GPC3: variants seen among roughly 807,000 people sequenced by gnomAD.
GPC3 encodes glypican 3.
A neutral mutation model predicts 34.4 loss-of-function variants in GPC3; 3 were observed. That is an observed-to-expected ratio of 0.09 (90% CI 0.04 to 0.23). The LOEUF (loss-of-function observed/expected upper bound fraction) is 0.23, where lower values mean the gene tolerates loss of function less well. Ranked by LOEUF, GPC3 falls within the 10% of genes least tolerant of loss-of-function variation. GPC3 has a pLI of 1.00. For synonymous variants in GPC3, 177 were observed against 174.0 expected (o/e 1.02, Z -0.13); for missense variants, 351 against 445.6 (o/e 0.79, Z 1.91).
At chrX:133,625,743 G>A (rs1253489340) in intron 6 of GPC3, among the ~76,000 whole-genome samples, 1 of 111,640 alleles carries the variant, frequency 9.0e-6, no homozygotes, top group Non-Finnish European at 1.9e-5. Context: ...TACTGCCCAA[G>A]GTAATTTATA....
At chrX:133,823,172 T>G (rs1404351448) in intron 2 of GPC3, among the ~76,000 whole-genome samples, 13 of 57,490 alleles carry the variant, frequency 2.3e-4, no homozygotes, top group African/African-American at 2.9e-4. Flanking sequence ...AAAAACTGGC[T>G]GGAAAAATGT....
intron 2 of GPC3, among the ~76,000 whole-genome samples, chrX:133,942,397 G>A (rs1056856101): frequency 1.8e-5 from 2 of 111,668 alleles, no homozygotes; most frequent in African/African-American, 6.5e-5. Flanking sequence ...AATAGAGAGG[G>A]TTGGATTAAT....
rs73239393 is a variant in GPC3 at position 133,548,582 on chromosome X, C to T, written c.1574-12289G>A. On this transcript the variant is annotated intron_variant, in intron 7 of 7. Transcript: ENST00000370818. ...TCAACAGCAGGCAGGTATCCTTATA[C>T]ATGAAAGATGAATAGCCTCCCTAAG... 6.5e-3 allele frequency among the ~76,000 whole-genome samples: 731 copies of T among 111,718 alleles called. 2 individuals carry two copies. Among genetic ancestry groups the T allele is most frequent in the Non-Finnish European group, 0.011 (561 of 53,111 alleles).
At chrX:133,624,793 C>T (rs758368847) in intron 6 of GPC3, among the ~76,000 whole-genome samples, 2 of 111,155 alleles carry the variant, frequency 1.8e-5, no homozygotes, top group Admixed American at 1.9e-4. Context: ...AAGAGGGAAT[C>T]CTCCCTAACT....
intron 2 of GPC3, among the ~76,000 whole-genome samples, chrX:133,810,702 G>A (rs1256775738): frequency 5.5e-5 from 6 of 108,942 alleles, no homozygotes; most frequent in African/African-American, 1.7e-4. Flanking sequence ...TCAGGAGATT[G>A]AGACCATCCT....
intron 1 of GPC3, among the ~76,000 whole-genome samples, chrX:133,962,940 T>C (rs1298781537): frequency 9.0e-6 from 1 of 111,602 alleles, no homozygotes; most frequent in African/African-American, 3.3e-5. Flanking sequence ...TGTGACTTTA[T>C]CAAGTGTGTT....
chrX:133,803,544 G>T (rs1337895584), intron 2 of GPC3, among the ~76,000 whole-genome samples: 1 of 111,813 alleles, frequency 8.9e-6, no homozygotes, highest in Non-Finnish European at 1.9e-5. Context: ...GAAAGGAATG[G>T]CACCCTGTTC....
At chrX:133,760,184 G>C (rs772544871) in intron 2 of GPC3, among the ~76,000 whole-genome samples, 1 of 112,153 alleles carries the variant, frequency 8.9e-6, no homozygotes, top group South Asian at 3.7e-4. Context: ...CATTGCTGGA[G>C]GGAATGTTAA....
intron 2 of GPC3, among the ~76,000 whole-genome samples, chrX:133,855,249 AC>A (rs2075894596): frequency 9.1e-6 from 1 of 110,455 alleles, no homozygotes; most frequent in African/African-American, 3.3e-5. Flanking sequence ...TGCAGCCTCA[AC>A]TTTCCAGGCT....
intron 1 of GPC3, among the ~76,000 whole-genome samples, chrX:133,965,867 T>A (rs2076460970): frequency 3.6e-5 from 4 of 110,316 alleles, no homozygotes; most frequent in Admixed American, 2.9e-4. Context: ...TTACTAGGAA[T>A]CTTCCTCTAG....
At chrX:133,880,705 CAGAA>C (rs2076038027) in intron 2 of GPC3, among the ~76,000 whole-genome samples, 1 of 111,730 alleles carries the variant, frequency 9.0e-6, no homozygotes, top group South Asian at 3.8e-4. Flanking sequence ...GGAAAAAAGT[CAGAA>C]AGACAATAAA....
At chrX:133,870,610 T>C (rs981166345) in intron 2 of GPC3, among the ~76,000 whole-genome samples, 5 of 111,745 alleles carry the variant, frequency 4.5e-5, no homozygotes, top group African/African-American at 1.6e-4. Context: ...ATTTCTCTGA[T>C]AAAATGAGGA....
intron 2 of GPC3, among the ~76,000 whole-genome samples, chrX:133,830,185 T>C (rs1287927951): frequency 9.0e-6 from 1 of 111,706 alleles, no homozygotes; most frequent in Non-Finnish European, 1.9e-5. Flanking sequence ...GGGATAGATA[T>C]ATACATTCCC....
At chrX:133,694,456 G>T (rs1039572741) in intron 4 of GPC3, among the ~76,000 whole-genome samples, 1 of 111,041 alleles carries the variant, frequency 9.0e-6, no homozygotes, top group African/African-American at 3.3e-5. Context: ...TCCTCACAGA[G>T]GAAAAAGATG....
At chrX:133,817,492 A>C (rs1464763243) in intron 2 of GPC3, among the ~76,000 whole-genome samples, 1 of 110,119 alleles carries the variant, frequency 9.1e-6, no homozygotes, top group African/African-American at 3.3e-5. Flanking sequence ...CAAAAACAAA[A>C]ACAAAAACAA....
chrX:133,945,489 C>T (rs2076363871), intron 2 of GPC3, among the ~76,000 whole-genome samples: 2 of 111,472 alleles, frequency 1.8e-5, no homozygotes, highest in South Asian at 7.6e-4. Context: ...TGATCAACAG[C>T]ATGTCTATCT....
intron 5 of GPC3, among the ~76,000 whole-genome samples, chrX:133,677,580 TTTTG>T (rs1365590229): frequency 1.8e-5 from 2 of 111,828 alleles, no homozygotes; most frequent in Non-Finnish European, 3.8e-5. Flanking sequence ...GGCAAAGGTT[TTTTG>T]TTTGTTTGTT....
At chrX:133,885,102 A>G (rs1159825921) in intron 2 of GPC3, among the ~76,000 whole-genome samples, 1 of 111,603 alleles carries the variant, frequency 9.0e-6, no homozygotes, top group Non-Finnish European at 1.9e-5. Flanking sequence ...CATTTAACCT[A>G]ATTTCAAAAG....
intron 2 of GPC3, chrX:133,763,784 G>A: frequency 2.3e-6 from 1 of 433,470 alleles, no homozygotes; most frequent in Non-Finnish European, 4.1e-6. Context: ...ATGTTGGTGA[G>A]GATGCAGAGA....
Sources: gnomAD v4.1 joint callset for allele counts (sites outside exome capture counted in the v4.1 genomes callset) on GRCh38, gnomAD v4.1.1 for gene constraint, MANE v1.5 for transcripts, NCBI Gene and HGNC (gene_info 2026-07-23, HGNC 2026-07-21) for gene names.